Variants in TRPM3 observed in about 807,000 individuals in gnomAD.
TRPM3 encodes long transient receptor potential channel 3.
Under a neutral mutation model 181.2 loss-of-function variants are expected in TRPM3, and 77 were observed. The ratio of observed to expected loss-of-function variants is 0.42; its 90% CI spans 0.35 to 0.51. The LOEUF is 0.51. TRPM3 is among the 20% of genes least tolerant of loss of function. TRPM3 has a pLI of 0.01. For missense variants in TRPM3, 1,759 were observed against 2,196.7 expected, an observed-to-expected ratio of 0.80 and a Z score of 3.98; for synonymous variants, 745 against 796.4, an observed-to-expected ratio of 0.94 and a Z score of 1.09.
At chr9:70,996,989 T>C (rs1564930268) in intron 1 of TRPM3, among the ~76,000 whole-genome samples, 1 of 152,208 alleles carries the variant, frequency 6.6e-6, no homozygotes, top group Non-Finnish European at 1.5e-5. Context: ...CTGTTTCTTC[T>C]GTTTAAGGGC....
chr9:70,959,516 G>A (rs1001211249), intron 1 of TRPM3, among the ~76,000 whole-genome samples: 1 of 151,990 alleles, frequency 6.6e-6, no homozygotes, highest in Admixed American at 6.6e-5. Flanking sequence ...GGCAGTCAAG[G>A]AACACAGTCC....
At chr9:71,420,571 GAAGAGAAAGAGAAAGAAA>G (rs1192060898) in intron 1 of TRPM3, among the ~76,000 whole-genome samples, 2 of 140,418 alleles carry the variant, frequency 1.4e-5, no homozygotes, top group African/African-American at 5.2e-5. Flanking sequence ...AAGAAAAAGA[GAAGAGAAAGAGAAAGAAA>G]AAGAGAAAGA....
intron 1 of TRPM3, among the ~76,000 whole-genome samples, chr9:70,934,844 A>G (rs1198810466): frequency 6.6e-6 from 1 of 152,022 alleles, no homozygotes; most frequent in African/African-American, 2.4e-5. Context: ...TATTTAATGA[A>G]TTGCGCAATG....
chr9:71,183,554 T>C lies in TRPM3; in HGVS notation c.183+263099A>G, dbSNP rs532876571. Among the ~76,000 whole-genome samples the C allele has an allele frequency of 3.9e-5, 6 of 152,276 alleles. No individual in the cohort carries two copies. The South Asian group carries it at 8.3e-4, about 21-fold the overall frequency. Reference sequence around the variant, plus strand: ...TTGCACTGCATAATATTTATTATTATATACTAACCTATTCTTTTCCAAGCT... The same window carrying C: ...TTGCACTGCATAATATTTATTATTACATACTAACCTATTCTTTTCCAAGCT... On this transcript the variant is annotated intron_variant, in intron 1 of 24. Transcript: ENST00000357533.
intron 1 of TRPM3, among the ~76,000 whole-genome samples, chr9:71,183,315 AAC>A (rs2077506875): frequency 1.3e-5 from 2 of 152,136 alleles, no homozygotes; most frequent in African/African-American, 4.8e-5. Flanking sequence ...AAGGATAATG[AAC>A]GTAGAGGAAC....
intron 8 of TRPM3, among the ~76,000 whole-genome samples, chr9:70,683,254 C>T (rs1263329671): frequency 1.3e-5 from 2 of 151,928 alleles, no homozygotes; most frequent in Non-Finnish European, 2.9e-5. Context: ...AGGTCTTTTT[C>T]TGTCACTCAG....
intron 1 of TRPM3, among the ~76,000 whole-genome samples, chr9:71,186,181 C>T (rs1345907532): frequency 6.6e-6 from 1 of 152,014 alleles, no homozygotes; most frequent in Non-Finnish European, 1.5e-5. Flanking sequence ...AGGAGCCCAT[C>T]CTGCTCCAGT....
intron 8 of TRPM3, among the ~76,000 whole-genome samples, chr9:70,758,060 T>C (rs2077404895): frequency 6.6e-6 from 1 of 152,228 alleles, no homozygotes; most frequent in African/African-American, 2.4e-5. Context: ...GTACATGACA[T>C]GATTGTATGT....
intron 9 of TRPM3, among the ~76,000 whole-genome samples, chr9:70,645,381 G>A (rs1390297569): frequency 1.3e-5 from 2 of 152,054 alleles, no homozygotes; most frequent in East Asian, 3.9e-4. Flanking sequence ...ATGGAACAGA[G>A]CAGAGGCCTC....
intron 9 of TRPM3, among the ~76,000 whole-genome samples, chr9:70,673,467 G>A (rs1191597765): frequency 2.0e-5 from 3 of 152,074 alleles, no homozygotes; most frequent in Non-Finnish European, 4.4e-5. Context: ...ACCTTACCTG[G>A]TGTGTTTAGT....
chr9:70,828,722 A>C (rs1210475615), intron 5 of TRPM3, among the ~76,000 whole-genome samples: 3 of 82,908 alleles, frequency 3.6e-5, no homozygotes, highest in African/African-American at 1.1e-4. Context: ...TTTTTATAAA[A>C]AGAACAGCAA....
chr9:70,543,761 A>G (rs933900238), intron 25 of TRPM3, among the ~76,000 whole-genome samples: 4 of 152,210 alleles, frequency 2.6e-5, no homozygotes, highest in Non-Finnish European at 4.4e-5. Context: ...CATTTGCTTA[A>G]ATGTTGCCAT....
chr9:70,597,011 C>T (rs557564478), intron 21 of TRPM3, among the ~76,000 whole-genome samples: 10 of 151,936 alleles, frequency 6.6e-5, no homozygotes, highest in Admixed American at 2.0e-4. Context: ...CTTGGCTCAC[C>T]GCAACCTTGC....
intron 1 of TRPM3, among the ~76,000 whole-genome samples, chr9:71,032,049 T>TA (rs1565023757): frequency 2.0e-4 from 2 of 10,220 alleles, no homozygotes; most frequent in Admixed American, 2.8e-3. Flanking sequence ...TATATATATA[T>TA]TATATATATT....
chr9:71,331,838 G>GGAGGAGGAAGAAAAGGAAAGAGGAAAAGA, intron 1 of TRPM3, among the ~76,000 whole-genome samples: 1 of 6,310 alleles, frequency 1.6e-4, no homozygotes, highest in African/African-American at 2.7e-4. Context: ...AGAGGAGAGG[G>GGAGGAGGAAGAAAAGGAAAGAGGAAAAGA]AGGAGGAGGA....
At chr9:71,078,580 A>G (rs2063788115) in intron 1 of TRPM3, among the ~76,000 whole-genome samples, 1 of 152,204 alleles carries the variant, frequency 6.6e-6, no homozygotes. Context: ...AGAACTCACC[A>G]TAATTAAAAA....
intron 7 of TRPM3, among the ~76,000 whole-genome samples, chr9:70,781,321 T>G (rs2082382386): frequency 1.2e-5 from 1 of 85,956 alleles, no homozygotes; most frequent in Non-Finnish European, 2.2e-5. Context: ...TGAGATTCCA[T>G]TTCATAAAAA....
At chr9:71,231,912 C>A (rs1036036961) in intron 1 of TRPM3, among the ~76,000 whole-genome samples, 4 of 152,034 alleles carry the variant, frequency 2.6e-5, no homozygotes, top group Non-Finnish European at 5.9e-5. Context: ...AACCCTTGAA[C>A]CTAAAAGTCG....
rs2061869711 is a variant in TRPM3 at position 70,610,650 on chromosome 9, C to G, written c.2626G>C (p.Glu876Gln). The part of the protein sequence containing the change: ...RLIPLGRKIY[E>Q]FYNAPIVKFW... ...TTCACGATGGGTGCATTGTAGAATT[C>G]ATAGATTTTTCTGCCGAGGGGGATT... Residue 876 changes from glutamate (E) to glutamine (Q), a missense_variant, in exon 19 of 26, where the codon GAA becomes CAA. By Grantham distance (29) the Glu-to-Gln change is conservative. This residue lies in a region of TRPM3 where 114 missense variants were observed against 134.8 expected (regional missense o/e 0.85). Coordinates refer to ENST00000677713, the MANE Select transcript of TRPM3 (RefSeq NM_001366145.2). 1 of 1,614,148 alleles carries G rather than the reference C, an allele frequency of 6.2e-7. No individual in the cohort carries two copies. Among genetic ancestry groups the G allele is most frequent in the Non-Finnish European group, 8.5e-7 (1 of 1,180,000 alleles).
Sources: allele counts gnomAD v4.1 joint callset (sites outside exome capture counted in the v4.1 genomes callset), GRCh38; gene constraint gnomAD v4.1.1; regional missense constraint gnomAD v4.1.1; transcripts MANE v1.5; gene names NCBI Gene and HGNC (gene_info 2026-07-23, HGNC 2026-07-21).